The following FSD1L variants were observed in gnomAD, a reference collection of about 807,000 sequenced individuals.
The protein encoded by FSD1L is FSD1-like protein.
Under a neutral mutation model 71.6 loss-of-function variants are expected in FSD1L, and 45 were observed. The ratio of observed to expected loss-of-function variants is 0.63; its 90% CI spans 0.49 to 0.81. The LOEUF is 0.81. Ranked by LOEUF, FSD1L falls within the 30% of genes least tolerant of loss-of-function variation. The pLI, the probability that FSD1L is intolerant of heterozygous loss-of-function variation, is 0.00. For missense variants in FSD1L, 561 were observed against 618.1 expected (o/e 0.91, Z 0.98); for synonymous variants, 197 against 207.2 (o/e 0.95, Z 0.42).
At chr9:105,544,106 C>T (rs1836815337) in intron 13 of FSD1L, among the ~76,000 whole-genome samples, 1 of 152,186 alleles carries the variant, frequency 6.6e-6, no homozygotes, top group Non-Finnish European at 1.5e-5. Context: ...TGTTTCCTGA[C>T]TTTTTAATGA....
At chr9:105,538,588 A>G (rs1052994123) in intron 12 of FSD1L, among the ~76,000 whole-genome samples, 1 of 152,156 alleles carries the variant, frequency 6.6e-6, no homozygotes, top group African/African-American at 2.4e-5. Flanking sequence ...TCAGACAGAC[A>G]GTTTTTTTTA....
At chr9:105,452,669 GCCTTCCTTCCTTCCTTCCTTCCTT>G (rs1166449916) in intron 1 of FSD1L, among the ~76,000 whole-genome samples, 16 of 96,172 alleles carry the variant, frequency 1.7e-4, no homozygotes, top group African/African-American at 6.8e-4. Flanking sequence ...CTGCCTGCCT[GCCTTCCTTCCTTCCTTCCTTCCTT>G]CCTTCCTTCC....
chr9:105,499,566 C>T (rs1470318814), intron 7 of FSD1L, among the ~76,000 whole-genome samples: 1 of 151,816 alleles, frequency 6.6e-6, no homozygotes, highest in Non-Finnish European at 1.5e-5. Flanking sequence ...AGGTCCCCTC[C>T]TCCGCCCCCA....
chr9:105,467,826 G>A lies in FSD1L; in HGVS notation c.208-367G>A, dbSNP rs532334055. ...AATACCTCACCAGTGATTCTGATAC[G>A]CACCAGAGGTTAAGAACCACTGGCT... On this transcript the variant is annotated intron_variant, in intron 3 of 13. Transcript: ENST00000481272. Among the ~76,000 whole-genome samples, 87 of 152,238 alleles carry A rather than the reference G, an allele frequency of 5.7e-4. 2 individuals are homozygous for A. Among genetic ancestry groups the A allele is most frequent in the Middle Eastern group, 3.4e-3 (1 of 294 alleles).
In FSD1L at chr9:105,539,268, C is replaced by T. The variant is rs1307344877; in HGVS notation, c.1384C>T (p.Leu462Phe). Reference protein sequence around the residue: ...GVFCDFDGGQLSFYDANSKQL... With the variant: ...GVFCDFDGGQFSFYDANSKQL... ...TTTTTTTCCTTCTTTTTTAGGTCAACTTTCATTCTATGATGCAAATTCTAA... is the reference window on the plus strand; with the variant it reads ...TTTTTTTCCTTCTTTTTTAGGTCAATTTTCATTCTATGATGCAAATTCTAA... The change falls in exon 13 of 14, where the codon CTT (leucine) becomes TTT (phenylalanine). Residue 462 changes from leucine (L) to phenylalanine (F), a missense_variant. Coordinates refer to ENST00000481272, the MANE Select transcript of FSD1L (RefSeq NM_001145313.3). 6.9e-7 allele frequency: 1 copy of T among 1,442,988 alleles called. No homozygotes were observed. Among genetic ancestry groups the T allele is most frequent in the Non-Finnish European group, 9.3e-7 (1 of 1,071,204 alleles). The allele number at this position is 1,442,988 out of a possible 1,614,324, so 89.4% of individuals were successfully genotyped here. A position where few individuals can be genotyped will look rare whatever the true frequency, so the allele number is the denominator to read the frequency against.
At chr9:105,507,827 G>A (rs545303053) in intron 8 of FSD1L, among the ~76,000 whole-genome samples, 21 of 149,188 alleles carry the variant, frequency 1.4e-4, no homozygotes, top group Non-Finnish European at 3.0e-4. Flanking sequence ...AACTATATGT[G>A]TTTCTTTTGA....
At chr9:105,531,849 G>T (rs1036543529) in intron 10 of FSD1L, among the ~76,000 whole-genome samples, 2 of 152,120 alleles carry the variant, frequency 1.3e-5, no homozygotes, top group Non-Finnish European at 2.9e-5. Context: ...AAGCTTTTTT[G>T]TTATAATTTA....
intron 9 of FSD1L, among the ~76,000 whole-genome samples, chr9:105,510,400 G>A (rs116094881): frequency 0.012 from 1,806 of 152,292 alleles, 53 homozygotes; most frequent in African/African-American, 0.042. Flanking sequence ...ACTAATGAGA[G>A]TAAGAGCTGC....
upstream of FSD1L, among the ~76,000 whole-genome samples, chr9:105,443,339 C>T (rs1028986279): frequency 6.6e-6 from 1 of 152,158 alleles, no homozygotes; most frequent in Non-Finnish European, 1.5e-5. Flanking sequence ...CTTTCATCTG[C>T]AGGGAAACTC....
At chr9:105,540,413 G>A (rs763611485) in intron 13 of FSD1L, among the ~76,000 whole-genome samples, 4 of 152,038 alleles carry the variant, frequency 2.6e-5, no homozygotes, top group African/African-American at 4.8e-5. Context: ...ATAAACAAAA[G>A]TTAATTTTGT....
intron 10 of FSD1L, chr9:105,524,414 G>A: frequency 1.9e-6 from 3 of 1,613,640 alleles, no homozygotes. Flanking sequence ...ACAAGAGGTT[G>A]GTAGTATCTT....
intron 1 of FSD1L, among the ~76,000 whole-genome samples, chr9:105,450,916 C>G (rs1829956975): frequency 6.6e-6 from 1 of 152,118 alleles, no homozygotes. Flanking sequence ...TTTAATAATC[C>G]TAACTTCAAA....
At chr9:105,473,578 G>A (rs1164037948) in intron 5 of FSD1L, among the ~76,000 whole-genome samples, 1 of 152,128 alleles carries the variant, frequency 6.6e-6, no homozygotes, top group Non-Finnish European at 1.5e-5. Flanking sequence ...TTTTAGTGGA[G>A]TAGGGCAGTT....
At chr9:105,507,625 T>G (rs1834131613) in intron 8 of FSD1L, among the ~76,000 whole-genome samples, 1 of 152,322 alleles carries the variant, frequency 6.6e-6, no homozygotes, top group African/African-American at 2.4e-5. Context: ...TTGTTAGTAA[T>G]CTCTGCTTTA....
chr9:105,468,129 C>A, intron 3 of FSD1L, 64 bp from the exon 4 acceptor site: 2 of 1,143,924 alleles, frequency 1.7e-6, no homozygotes, highest in Non-Finnish European at 2.3e-6. Context: ...TTTGGGCATA[C>A]CTTTTAGGTT....
intron 7 of FSD1L, among the ~76,000 whole-genome samples, chr9:105,493,124 T>C (rs1168863867): frequency 2.0e-5 from 3 of 152,164 alleles, no homozygotes; most frequent in African/African-American, 7.2e-5. Flanking sequence ...ATTATTATTG[T>C]GTGGGAGTCT....
At chr9:105,471,129 A>C (rs1371790578) in intron 4 of FSD1L, among the ~76,000 whole-genome samples, 1 of 152,186 alleles carries the variant, frequency 6.6e-6, no homozygotes, top group African/African-American at 2.4e-5. Context: ...CCTGCCACCA[A>C]AGTGGCCATG....
intron 7 of FSD1L, among the ~76,000 whole-genome samples, chr9:105,485,886 G>A (rs1020268597): frequency 2.0e-5 from 3 of 151,754 alleles, no homozygotes; most frequent in Admixed American, 6.6e-5. Context: ...CTCGTGATCC[G>A]CCCGCCTCGG....
intron 12 of FSD1L, among the ~76,000 whole-genome samples, chr9:105,537,284 G>A (rs1836331553): frequency 6.7e-6 from 1 of 149,358 alleles, no homozygotes; most frequent in Non-Finnish European, 1.5e-5. Context: ...TGAGCTGTCA[G>A]TTAATTTACT....
Sources: allele counts gnomAD v4.1 joint callset (sites outside exome capture counted in the v4.1 genomes callset), GRCh38; gene constraint gnomAD v4.1.1; transcripts MANE v1.5; gene names NCBI Gene and HGNC (gene_info 2026-07-23, HGNC 2026-07-21).